The following PDE6A variants were observed in gnomAD, a reference collection of about 807,000 sequenced individuals.
PDE6A encodes phosphodiesterase 6A, also known as rod cGMP-specific 3',5'-cyclic phosphodiesterase subunit alpha.
A neutral mutation model predicts 106.3 loss-of-function variants in PDE6A; 84 were observed. The observed-to-expected ratio is 0.79, with a 90% confidence interval of 0.66 to 0.95. PDE6A has a LOEUF of 0.95. PDE6A is among the 40% of genes least tolerant of loss of function. The pLI, the probability that PDE6A is intolerant of heterozygous loss-of-function variation, is 0.00. For synonymous variants in PDE6A, 394 were observed against 386.6 expected (o/e 1.02, Z -0.23); for missense variants, 1,052 against 1,084.9 (o/e 0.97, Z 0.43).
intron 5 of PDE6A, among the ~76,000 whole-genome samples, chr5:149,920,958 GA>G (rs1249584589): frequency 8.1e-6 from 1 of 123,868 alleles, no homozygotes; most frequent in African/African-American, 4.6e-5. Flanking sequence ...AAGAAAGAAA[GA>G]AAGAAAGAAA....
At chr5:149,900,019 G>A (rs1203435538) in intron 8 of PDE6A, among the ~76,000 whole-genome samples, 1 of 151,922 alleles carries the variant, frequency 6.6e-6, no homozygotes, top group Non-Finnish European at 1.5e-5. Context: ...GAAAGAATCT[G>A]TGCCTCACTG....
intron 1 of PDE6A, among the ~76,000 whole-genome samples, chr5:149,938,283 T>C (rs1170237000): frequency 2.0e-5 from 3 of 152,198 alleles, no homozygotes; most frequent in Non-Finnish European, 1.5e-5. Context: ...GTTTTTTTTT[T>C]CTTTGTTTTC....
At chr5:149,883,394 TAA>T (rs779730800) in intron 17 of PDE6A, 33 bp downstream of exon 17, 2 of 1,373,544 alleles carry the variant, frequency 1.5e-6, no homozygotes, top group East Asian at 4.6e-5. Context: ...ATCCTAAGCC[TAA>T]GAGGATCAGG....
chr5:149,889,658 C>T (rs1328427182), intron 13 of PDE6A, among the ~76,000 whole-genome samples: 1 of 152,042 alleles, frequency 6.6e-6, no homozygotes, highest in African/African-American at 2.4e-5. Context: ...GTAATCCCAG[C>T]ACTCTGGGAG....
chr5:149,902,123 G>C (rs910599395), intron 8 of PDE6A, among the ~76,000 whole-genome samples: 9 of 152,180 alleles, frequency 5.9e-5, no homozygotes, highest in African/African-American at 2.2e-4. Flanking sequence ...TGCCTTTCCA[G>C]GCCCTGCAGG....
At chr5:149,924,241 G>A (rs1240578956) in intron 4 of PDE6A, among the ~76,000 whole-genome samples, 2 of 152,082 alleles carry the variant, frequency 1.3e-5, no homozygotes, top group Admixed American at 6.6e-5. Flanking sequence ...AGTGCTGGAA[G>A]GAGAGGATAA....
chr5:149,886,318 A>T lies in PDE6A; in HGVS notation c.1785T>A (p.Ala595=). 2 of 1,614,226 alleles carry T rather than the reference A, an allele frequency of 1.2e-6. No homozygotes were observed. The highest frequency in any genetic ancestry group is 1.7e-6 in the Non-Finnish European group (2 of 1,180,034). ...TGTGGTCAATGTCATGGCAGAAAGC[A>T]GCAGTGACCATGGCCAAGGCCTCTA... ...TDLEALAMVT[A]AFCHDIDHRG... Residue 595 remains alanine (A), a synonymous_variant, in exon 14 of 22, where the codon GCT becomes GCA. Transcript: ENST00000255266.
intron 17 of PDE6A, among the ~76,000 whole-genome samples, chr5:149,871,089 C>T (rs2113518039): frequency 6.6e-6 from 1 of 152,172 alleles, no homozygotes; most frequent in East Asian, 1.9e-4. Context: ...TTGTCTCTTC[C>T]CAGTCTTATA....
intron 9 of PDE6A, 43 bp downstream of exon 9, chr5:149,899,332 G>A: frequency 6.2e-7 from 1 of 1,609,740 alleles, no homozygotes; most frequent in Non-Finnish European, 8.5e-7. Flanking sequence ...CCAGCAAGCT[G>A]ACTCTGAATC....
intron 10 of PDE6A, 53 bp from the exon 11 acceptor site, chr5:149,896,829 G>A (rs1242299489): frequency 1.1e-5 from 17 of 1,582,874 alleles, no homozygotes; most frequent in African/African-American, 8.1e-5. Context: ...ACATGCCTCC[G>A]CGTTTCCATT....
At chr5:149,890,202 C>A (rs1752495519) in intron 13 of PDE6A, among the ~76,000 whole-genome samples, 1 of 152,024 alleles carries the variant, frequency 6.6e-6, no homozygotes, top group Non-Finnish European at 1.5e-5. Context: ...AATGATCCAC[C>A]TACCTCAGTC....
At chr5:149,865,471 A>T (rs1760297949) in intron 20 of PDE6A, among the ~76,000 whole-genome samples, 1 of 151,890 alleles carries the variant, frequency 6.6e-6, no homozygotes, top group African/African-American at 2.4e-5. Flanking sequence ...AATATTACTG[A>T]TGATAGTGGC....
chr5:149,905,886 C>T (rs971127307), intron 7 of PDE6A, among the ~76,000 whole-genome samples: 4 of 152,122 alleles, frequency 2.6e-5, no homozygotes, highest in Admixed American at 1.3e-4. Flanking sequence ...GAGACAGGGT[C>T]TCCCTCTGTT....
chr5:149,861,348 T>C (rs1320115951), intron 21 of PDE6A, among the ~76,000 whole-genome samples: 1 of 152,220 alleles, frequency 6.6e-6, no homozygotes, highest in East Asian at 1.9e-4. Flanking sequence ...ACCTTTTTAC[T>C]CTTTTAGAAA....
In PDE6A at chr5:149,934,356, C is replaced by T. The variant is rs528527238; in HGVS notation, c.627+210G>A. Among the ~76,000 whole-genome samples the T allele has an allele frequency of 3.5e-3, 534 of 152,368 alleles. 2 individuals carry two copies. Among genetic ancestry groups the T allele is most frequent in the Non-Finnish European group, 5.6e-3 (381 of 68,036 alleles). ...CTTGCAAAAGGCAAACAGCTATTGG[C>T]GGAGCCAGAACAATTATCCCTCTAT... On this transcript the variant is annotated intron_variant, in intron 2 of 21. Coordinates refer to ENST00000255266, the MANE Select transcript of PDE6A (RefSeq NM_000440.3).
chr5:149,920,243 T>C (rs1409606941), intron 5 of PDE6A, among the ~76,000 whole-genome samples: 1 of 150,800 alleles, frequency 6.6e-6, no homozygotes, highest in African/African-American at 2.4e-5. Context: ...CCTAGAGAGG[T>C]TGATAAAAAC....
At chr5:149,884,676 C>G (rs1752212376) in intron 15 of PDE6A, 97 bp from the exon 16 acceptor site, 1 of 1,436,648 alleles carries the variant, frequency 7.0e-7, no homozygotes, top group Non-Finnish European at 9.8e-7. Flanking sequence ...CAGAGGCAGC[C>G]CAGGCCAATG....
At chr5:149,935,081 CT>C (rs568572538) in intron 1 of PDE6A, among the ~76,000 whole-genome samples, 227 of 152,246 alleles carry the variant, frequency 1.5e-3, no homozygotes, top group African/African-American at 5.2e-3. Context: ...CGGGTAAAGA[CT>C]TTAGGAAGTA....
intron 3 of PDE6A, chr5:149,932,695 T>C (rs1754076552): frequency 1.2e-6 from 2 of 1,603,158 alleles, no homozygotes; most frequent in South Asian, 1.1e-5. Flanking sequence ...AAGGAAATGC[T>C]GCCCCACTCA....
Sources: gnomAD v4.1 joint callset for allele counts (sites outside exome capture counted in the v4.1 genomes callset) on GRCh38, gnomAD v4.1.1 for gene constraint, MANE v1.5 for transcripts, NCBI Gene and HGNC (gene_info 2026-07-23, HGNC 2026-07-21) for gene names.